The following RNF170 variants were observed in gnomAD, a reference collection of about 807,000 sequenced individuals.
RNF170 encodes the protein E3 ubiquitin-protein ligase RNF170.
Under a neutral mutation model 32.7 loss-of-function variants are expected in RNF170, and 12 were observed. The observed-to-expected ratio is 0.37, with a 90% confidence interval of 0.24 to 0.60. The LOEUF (loss-of-function observed/expected upper bound fraction) is 0.60, where lower values mean the gene tolerates loss of function less well. Among genes scored for constraint, RNF170 ranks in the 20% least tolerant of loss-of-function variants. RNF170 has a pLI of 0.72. For missense variants in RNF170, 212 were observed against 311.2 expected (o/e 0.68, Z 2.40); for synonymous variants, 91 against 103.6 (o/e 0.88, Z 0.74).
In RNF170 at chr8:42,861,759, C is replaced by G; in HGVS notation, c.493G>C (p.Gly165Arg). ...GCATTACTTACAGATCTGGGTTGCCCTGAGAATCTCCGGTTATAATCATTA... is the reference window on the plus strand; with the variant it reads ...GCATTACTTACAGATCTGGGTTGCCGTGAGAATCTCCGGTTATAATCATTA... ...DINDYNRRFSGQPRSIMERIM... is the reference protein window; with the variant it reads ...DINDYNRRFSRQPRSIMERIM... Residue 165 changes from glycine to arginine, a missense_variant, in exon 6 of 7, where the codon GGG (glycine) becomes CGG (arginine). Gly to Arg is a moderately radical substitution (Grantham distance 125). Around this residue, in one of 2 missense-constraint regions of RNF170, gnomAD observed 97 missense variants for 178.9 expected, o/e 0.54. Coordinates refer to ENST00000527424, the MANE Select transcript of RNF170 (RefSeq NM_030954.4). 6.2e-7 allele frequency: 1 copy of G among 1,612,454 alleles called. No individual in the cohort carries two copies. The highest frequency in any genetic ancestry group is 1.1e-5 in the South Asian group (1 of 91,030).
chr8:42,897,179 C>A, upstream of RNF170: 1 of 1,247,898 alleles, frequency 8.0e-7, no homozygotes. Context: ...GCGAGAGCCT[C>A]CTCACTTGGG....
chr8:42,880,633 G>A (rs1805318386), intron 2 of RNF170, among the ~76,000 whole-genome samples: 1 of 152,132 alleles, frequency 6.6e-6, no homozygotes, highest in Non-Finnish European at 1.5e-5. Context: ...AGCTGGGCAT[G>A]GTGGTGCGCA....
intron 4 of RNF170, among the ~76,000 whole-genome samples, chr8:42,868,851 CAAAAAAAAAA>C (rs56822241): frequency 1.4e-5 from 1 of 73,746 alleles, no homozygotes; most frequent in Admixed American, 1.5e-4. Flanking sequence ...GACTGCATTT[CAAAAAAAAAA>C]AAAAAAAAAT....
intron 2 of RNF170, among the ~76,000 whole-genome samples, chr8:42,884,274 G>A (rs1805636571): frequency 6.6e-6 from 1 of 151,830 alleles, no homozygotes; most frequent in African/African-American, 2.4e-5. Context: ...AGTAGAGATG[G>A]GGTTTCACAA....
At chr8:42,875,705 T>G (rs1052742089) in intron 2 of RNF170, among the ~76,000 whole-genome samples, 31 of 152,238 alleles carry the variant, frequency 2.0e-4, no homozygotes, top group Non-Finnish European at 3.5e-4. Context: ...GCCTCCTGAG[T>G]AGCTGGGATT....
chr8:42,864,955 TAA>T (rs746102377), intron 5 of RNF170, among the ~76,000 whole-genome samples: 4 of 143,988 alleles, frequency 2.8e-5, no homozygotes, highest in South Asian at 2.2e-4. Flanking sequence ...GGGTACAGTT[TAA>T]AAAAAAAAAA....
chr8:42,896,450 T>C (rs1806889290), intron 1 of RNF170, 34 bp downstream of exon 1: 1 of 453,116 alleles, frequency 2.2e-6, no homozygotes, highest in Non-Finnish European at 4.4e-6. Context: ...CGGGCCCCGA[T>C]AGGGTGGGCG....
intron 1 of RNF170, among the ~76,000 whole-genome samples, chr8:42,895,632 G>A (rs1806737767): frequency 6.6e-6 from 1 of 152,156 alleles, no homozygotes; most frequent in Non-Finnish European, 1.5e-5. Flanking sequence ...TGAACAAAAT[G>A]CCCAACCAGA....
chr8:42,850,926 CTG>C, downstream of RNF170: 1 of 1,551,170 alleles, frequency 6.4e-7, no homozygotes, highest in Non-Finnish European at 8.7e-7. Flanking sequence ...CAGGAGAGTT[CTG>C]TGTGTCCAGG....
intron 1 of RNF170, among the ~76,000 whole-genome samples, chr8:42,892,173 T>C (rs1439041935): frequency 6.6e-6 from 1 of 152,184 alleles, no homozygotes; most frequent in Non-Finnish European, 1.5e-5. Flanking sequence ...CTCAAATTAA[T>C]GTTTATAAAT....
chr8:42,892,456 C>T (rs983041471), intron 1 of RNF170, among the ~76,000 whole-genome samples: 1 of 152,152 alleles, frequency 6.6e-6, no homozygotes, highest in Non-Finnish European at 1.5e-5. Context: ...TGAGGTAGCA[C>T]GCCCAGCCAA....
intron 5 of RNF170, 141 bp from the exon 6 acceptor site, chr8:42,861,996 G>A (rs1803699770): frequency 1.2e-6 from 1 of 841,706 alleles, no homozygotes; most frequent in Admixed American, 3.2e-5. Flanking sequence ...CTGGGGGAGG[G>A]GAGTAAGTAA....
At chr8:42,851,984 C>T (rs1371740626), downstream of RNF170, among the ~76,000 whole-genome samples, 1 of 152,150 alleles carries the variant, frequency 6.6e-6, no homozygotes, top group African/African-American at 2.4e-5. Flanking sequence ...GAGAGTCAAA[C>T]GGCCTTTAAT....
intron 2 of RNF170, among the ~76,000 whole-genome samples, chr8:42,875,696 C>T (rs1804869050): frequency 6.6e-6 from 1 of 152,158 alleles, no homozygotes; most frequent in African/African-American, 2.4e-5. Context: ...CTTGCCTCAG[C>T]CTCCTGAGTA....
intron 4 of RNF170, among the ~76,000 whole-genome samples, chr8:42,867,340 G>A (rs1804158803): frequency 6.6e-6 from 1 of 151,816 alleles, no homozygotes; most frequent in Non-Finnish European, 1.5e-5. Flanking sequence ...GCTTGGTGGT[G>A]CATGCCTGTA....
chr8:42,863,597 A>T (rs1803829713), intron 5 of RNF170, among the ~76,000 whole-genome samples: 1 of 152,170 alleles, frequency 6.6e-6, no homozygotes, highest in Admixed American at 6.5e-5. Flanking sequence ...GTGCGCCACC[A>T]TGCGCAGCTA....
chr8:42,852,597 A>C (rs1294272266), downstream of RNF170, among the ~76,000 whole-genome samples: 1 of 151,900 alleles, frequency 6.6e-6, no homozygotes, highest in Non-Finnish European at 1.5e-5. Context: ...TTTGTATTTT[A>C]GTAGAGACGG....
chr8:42,870,959 A>G (rs1804478057), intron 3 of RNF170, among the ~76,000 whole-genome samples: 1 of 152,158 alleles, frequency 6.6e-6, no homozygotes, highest in Admixed American at 6.5e-5. Context: ...CTGTAACCCC[A>G]GCACTTTGGG....
chr8:42,887,748 G>C lies in RNF170; in HGVS notation c.117C>G (p.Thr39=). ...CTCACCTGAAAAGTGCATATACCAG[G>C]GTAGCAATCAAAGCGAAACTGACCA... The part of the protein sequence containing the change: ...AVVVSFALIA[T]LVYALFRNVH... The change falls in exon 2 of 7, where the codon ACC becomes ACG. Residue 39 remains threonine (T), a synonymous_variant. Coordinates refer to ENST00000527424, the MANE Select transcript of RNF170 (RefSeq NM_030954.4). 1 of 1,613,984 alleles carries C rather than the reference G, an allele frequency of 6.2e-7. No individual in the cohort carries two copies. Among genetic ancestry groups the C allele is most frequent in the Non-Finnish European group, 8.5e-7 (1 of 1,179,964 alleles).
Sources: allele counts gnomAD v4.1 joint callset (sites outside exome capture counted in the v4.1 genomes callset), GRCh38; gene constraint gnomAD v4.1.1; regional missense constraint gnomAD v4.1.1; transcripts MANE v1.5; gene names NCBI Gene and HGNC (gene_info 2026-07-23, HGNC 2026-07-21).